ACVR1C: variants seen among roughly 807,000 people sequenced by gnomAD.
ACVR1C encodes the protein activin A receptor type 1C.
ACVR1C carries 23 observed loss-of-function variants against 57.9 expected under a neutral mutation model. The observed-to-expected ratio is 0.40, with a 90% CI of 0.29 to 0.56. The LOEUF (loss-of-function observed/expected upper bound fraction) is 0.56, where lower values mean the gene tolerates loss of function less well. ACVR1C is among the 20% of genes least tolerant of loss of function. The probability of loss-of-function intolerance (pLI) is 0.50; values close to 1 mark genes in which losing one functional copy is unlikely to be tolerated. For missense variants in ACVR1C, 480 were observed against 607.9 expected, an observed-to-expected ratio of 0.79 and a Z score of 2.21; for synonymous variants, 214 against 215.3, an observed-to-expected ratio of 0.99 and a Z score of 0.05.
At chr2:157,546,587 C>T (rs1333449425) in intron 4 of ACVR1C, among the ~76,000 whole-genome samples, 4 of 151,954 alleles carry the variant, frequency 2.6e-5, no homozygotes, top group Non-Finnish European at 4.4e-5. Flanking sequence ...CTTGACTCTA[C>T]CATAAAGTTC....
intron 8 of ACVR1C, among the ~76,000 whole-genome samples, chr2:157,536,775 G>C (rs990388229): frequency 6.6e-6 from 1 of 152,120 alleles, no homozygotes; most frequent in Admixed American, 6.6e-5. Flanking sequence ...GGTATAAAAT[G>C]AGGCCAATAT....
intron 2 of ACVR1C, among the ~76,000 whole-genome samples, chr2:157,560,441 CGGAACCA>C (rs1028668700): frequency 6.6e-6 from 1 of 152,164 alleles, no homozygotes; most frequent in African/African-American, 2.4e-5. Context: ...AAATTTAAAA[CGGAACCA>C]AGTGGCCATT....
chr2:157,583,090 A>G (rs1252484804), intron 2 of ACVR1C, among the ~76,000 whole-genome samples: 1 of 151,874 alleles, frequency 6.6e-6, no homozygotes, highest in African/African-American at 2.4e-5. Flanking sequence ...CATACTCCCA[A>G]CCTCAAGTGA....
At chr2:157,619,488 C>T (rs1159592114) in intron 1 of ACVR1C, among the ~76,000 whole-genome samples, 3 of 151,974 alleles carry the variant, frequency 2.0e-5, no homozygotes, top group Admixed American at 2.0e-4. Flanking sequence ...GGTCAGCAAA[C>T]TATGGCCTAT....
At chr2:157,549,810 C>A (rs1396883186) in intron 4 of ACVR1C, among the ~76,000 whole-genome samples, 4 of 147,026 alleles carry the variant, frequency 2.7e-5, no homozygotes, top group African/African-American at 1.0e-4. Context: ...ACGGTGAAAC[C>A]CCGTCTCTAC....
rs1687242247 is a variant in ACVR1C at position 157,526,826 on chromosome 2, A to G, written c.*7092T>C. ...TATATGCTTCACAGAAACAAGTGCA[A>G]GAAGTGCTTGATTTATTATCTTTCC... On this transcript the variant is annotated 3_prime_UTR_variant, in exon 9 of 9. Transcript: ENST00000243349. 2 of 152,226 alleles carry G rather than the reference A, an allele frequency of 1.3e-5. No homozygotes were observed. The highest frequency in any genetic ancestry group is 1.3e-4 in the Admixed American group (2 of 15,278). The allele number at this position is 152,226 out of a possible 1,614,324, so 9.4% of individuals were successfully genotyped here.
chr2:157,582,806 G>A (rs533058560), intron 2 of ACVR1C, among the ~76,000 whole-genome samples: 29 of 152,318 alleles, frequency 1.9e-4, no homozygotes, highest in Admixed American at 7.2e-4. Context: ...TCATTGATAA[G>A]ATGATTATGT....
chr2:157,547,657 A>T, intron 4 of ACVR1C, among the ~76,000 whole-genome samples: 1 of 133,326 alleles, frequency 7.5e-6, no homozygotes, highest in Admixed American at 7.7e-5. Flanking sequence ...CCACTTTTTG[A>T]TGGGGTTGTT....
At chr2:157,611,850 G>T (rs1411560606) in intron 1 of ACVR1C, among the ~76,000 whole-genome samples, 2 of 152,168 alleles carry the variant, frequency 1.3e-5, no homozygotes, top group African/African-American at 4.8e-5. Flanking sequence ...GCCAGGGTGG[G>T]CAGGTCTGAC....
Position 157,542,746 on chromosome 2 carries a change from T to G in ACVR1C, c.1060A>C (p.Thr354Pro). 1 of 1,613,926 alleles carries G rather than the reference T, an allele frequency of 6.2e-7. No individual in the cohort carries two copies. Among genetic ancestry groups the G allele is most frequent in the Non-Finnish European group, 8.5e-7 (1 of 1,179,908 alleles). Residue 354 changes from threonine to proline, a missense_variant, in exon 6 of 9, where the codon ACT becomes CCT. Thr to Pro is a conservative substitution (Grantham distance 38). Transcript: ENST00000243349. ...TTAGGATTCTGAGGTATGTCGATAG[T>G]GTTCAGTATTGAATCATGCTTCACA... ...LAVKHDSILN[T>P]IDIPQNPKVG...
rs541681642 is a variant in ACVR1C at position 157,578,759 on chromosome 2, C to T, written c.304+8428G>A. Among the ~76,000 whole-genome samples, 13 of 152,234 alleles carry T rather than the reference C, an allele frequency of 8.5e-5. No homozygotes were observed. In the East Asian group the frequency reaches 1.5e-3, roughly 18 times the overall value. ...TTTCAAAATATTGCAAATATAATTA[C>T]ACTGTTTCTCTTTTCACTTCTTGCT... On this transcript the variant is annotated intron_variant, in intron 2 of 8. Coordinates refer to ENST00000243349, the MANE Select transcript of ACVR1C (RefSeq NM_145259.3).
intron 2 of ACVR1C, among the ~76,000 whole-genome samples, chr2:157,569,506 C>A (rs1195872703): frequency 1.9e-5 from 2 of 102,982 alleles, no homozygotes; most frequent in Non-Finnish European, 4.0e-5. Flanking sequence ...ATCAAATAGA[C>A]ACAATAGAAA....
At chr2:157,602,734 C>T (rs1034328339) in intron 1 of ACVR1C, among the ~76,000 whole-genome samples, 1 of 152,000 alleles carries the variant, frequency 6.6e-6, no homozygotes, top group Admixed American at 6.5e-5. Flanking sequence ...ATTAAACATA[C>T]AGGATATGAG....
intron 8 of ACVR1C, 131 bp downstream of exon 8, chr2:157,538,442 G>A: frequency 1.1e-6 from 1 of 885,922 alleles, no homozygotes; most frequent in Non-Finnish European, 1.5e-6. Flanking sequence ...AAATCCTTCT[G>A]AAGACTTATA....
At chr2:157,541,038 T>A in intron 7 of ACVR1C, 52 bp downstream of exon 7, 1 of 1,577,144 alleles carries the variant, frequency 6.3e-7, no homozygotes, top group Non-Finnish European at 8.6e-7. Context: ...TCACATCTTG[T>A]ATTCAGAGTA....
At chr2:157,582,419 A>T (rs1688813307) in intron 2 of ACVR1C, among the ~76,000 whole-genome samples, 1 of 152,234 alleles carries the variant, frequency 6.6e-6, no homozygotes, top group South Asian at 2.1e-4. Context: ...TTTGAAAACC[A>T]ATTAATGCAA....
chr2:157,557,589 G>T (rs1378742245), intron 2 of ACVR1C, among the ~76,000 whole-genome samples: 1 of 152,074 alleles, frequency 6.6e-6, no homozygotes, highest in African/African-American at 2.4e-5. Flanking sequence ...TTTGTTCCCA[G>T]CCATATGTCC....
intron 2 of ACVR1C, among the ~76,000 whole-genome samples, chr2:157,564,722 T>C (rs1199489018): frequency 6.6e-6 from 1 of 152,136 alleles, no homozygotes; most frequent in African/African-American, 2.4e-5. Context: ...CCATCAATGA[T>C]AGACTGGATA....
chr2:157,618,882 A>C lies in ACVR1C; in HGVS notation c.73+9690T>G, dbSNP rs550739467. Among the ~76,000 whole-genome samples the C allele has an allele frequency of 1.1e-4, 17 of 151,952 alleles. No individual in the cohort carries two copies. In the South Asian group the frequency reaches 3.5e-3, roughly 32 times the overall value. On this transcript the variant is annotated intron_variant, in intron 1 of 8. Transcript: ENST00000243349. ...AATTGTGTATGTACCCAAGAACAAA[A>C]TATTCAAATATAGGAAGCAACAATT... is the stretch of plus-strand genomic sequence containing the variant.
Sources: allele counts gnomAD v4.1 joint callset (sites outside exome capture counted in the v4.1 genomes callset), GRCh38; gene constraint gnomAD v4.1.1; transcripts MANE v1.5; gene names NCBI Gene and HGNC (gene_info 2026-07-23, HGNC 2026-07-21).